SGCZ: variants seen among roughly 807,000 people sequenced by gnomAD.
SGCZ encodes zeta-sarcoglycan.
A neutral mutation model predicts 41.3 loss-of-function variants in SGCZ; 40 were observed. The observed-to-expected ratio is 0.97, with a 90% CI of 0.75 to 1.26. The LOEUF (loss-of-function observed/expected upper bound fraction) is 1.26. Among genes scored for constraint, SGCZ ranks in the 50% most tolerant of loss-of-function variants. The pLI, the probability that SGCZ is intolerant of heterozygous loss-of-function variation, is 0.00. For synonymous variants in SGCZ, 206 were observed against 137.5 expected (o/e 1.50, Z -3.49); for missense variants, 552 against 369.8 (o/e 1.49, Z -4.04).
intron 3 of SGCZ, among the ~76,000 whole-genome samples, chr8:14,320,046 T>C (rs879264830): frequency 3.0e-4 from 45 of 152,008 alleles, no homozygotes; most frequent in Non-Finnish European, 4.7e-4. Context: ...ATATATTTTA[T>C]CCTTTTATTT....
chr8:14,389,616 A>G (rs1410427253), intron 2 of SGCZ, among the ~76,000 whole-genome samples: 1 of 151,986 alleles, frequency 6.6e-6, no homozygotes, highest in Admixed American at 6.6e-5. Context: ...AAAAGCTTAG[A>G]GAATTTGTCT....
chr8:14,611,495 A>G (rs934045172), intron 1 of SGCZ, among the ~76,000 whole-genome samples: 3 of 152,178 alleles, frequency 2.0e-5, no homozygotes, highest in Non-Finnish European at 4.4e-5. Flanking sequence ...AGTTATACAA[A>G]TCAATAATCA....
intron 2 of SGCZ, among the ~76,000 whole-genome samples, chr8:14,519,473 T>C (rs1338020167): frequency 1.3e-5 from 2 of 152,110 alleles, no homozygotes; most frequent in Admixed American, 1.3e-4. Flanking sequence ...TAATATAATG[T>C]CTTATGAACA....
At chr8:14,551,598 T>TATATATA (rs1563405028) in intron 2 of SGCZ, among the ~76,000 whole-genome samples, 338 of 26,538 alleles carry the variant, frequency 0.013, 41 homozygotes, top group African/African-American at 0.037. Context: ...TAATATATAT[T>TATATATA]ATATATATTA....
chr8:14,514,785 G>C (rs1010092036), intron 2 of SGCZ, among the ~76,000 whole-genome samples: 5 of 4,602 alleles, frequency 1.1e-3, no homozygotes, highest in Non-Finnish European at 2.2e-3. Context: ...ATATGTAAAT[G>C]TGTGTGTGTG....
At chr8:14,906,564 A>C (rs1799125559) in intron 1 of SGCZ, among the ~76,000 whole-genome samples, 1 of 152,218 alleles carries the variant, frequency 6.6e-6, no homozygotes, top group Non-Finnish European at 1.5e-5. Context: ...ATTTAAACAG[A>C]TATTTGGCTT....
intron 1 of SGCZ, among the ~76,000 whole-genome samples, chr8:15,108,382 G>C (rs1806913406): frequency 1.3e-5 from 2 of 152,094 alleles, no homozygotes; most frequent in African/African-American, 4.8e-5. Flanking sequence ...TGTCCTGAGG[G>C]CTAAAGGGAA....
intron 2 of SGCZ, among the ~76,000 whole-genome samples, chr8:14,489,594 G>A (rs1209810910): frequency 1.3e-5 from 2 of 151,502 alleles, no homozygotes; most frequent in South Asian, 2.1e-4. Context: ...CCAAAACAGA[G>A]GTACTAAAAA....
chr8:14,566,928 G>C (rs1804385633), intron 1 of SGCZ, among the ~76,000 whole-genome samples: 2 of 152,190 alleles, frequency 1.3e-5, no homozygotes, highest in Admixed American at 1.3e-4. Flanking sequence ...AGAGCGGCCG[G>C]CTGGCCCCGC....
chr8:14,457,929 C>T (rs921318794), intron 2 of SGCZ, among the ~76,000 whole-genome samples: 2 of 152,254 alleles, frequency 1.3e-5, no homozygotes, highest in African/African-American at 4.8e-5. Context: ...TTCCTCTTGT[C>T]TCTTTGTCTT....
chr8:14,829,986 A>G (rs974424728), intron 1 of SGCZ, among the ~76,000 whole-genome samples: 2 of 151,764 alleles, frequency 1.3e-5, no homozygotes, highest in Non-Finnish European at 2.9e-5. Context: ...AATTTTTTCT[A>G]TTTTTTAGTA....
At chr8:14,299,718 C>G (rs1282740262) in intron 3 of SGCZ, among the ~76,000 whole-genome samples, 1 of 151,700 alleles carries the variant, frequency 6.6e-6, no homozygotes, top group African/African-American at 2.4e-5. Context: ...TAGTATTGTA[C>G]CAAATACATC....
rs181479729 is a variant in SGCZ, at chr8:14,086,234, A to C, written c.*4209T>G. ...AATTTGGCTTTGAGGATTTTATAGA[A>C]AATTTGGCTATTAAATACTTTCAAT... On this transcript the variant is annotated 3_prime_UTR_variant, in exon 8 of 8. Coordinates refer to ENST00000382080, the MANE Select transcript of SGCZ (RefSeq NM_139167.4). 3.7e-4 allele frequency among the ~76,000 whole-genome samples: 56 copies of C among 151,802 alleles called. No individual in the cohort carries two copies. The highest frequency in any genetic ancestry group is 1.3e-3 in the African/African-American group (54 of 41,516).
rs1486519133 is a variant in SGCZ at position 14,280,484 on chromosome 8, AT to A, written c.337-42806del. Among the ~76,000 whole-genome samples, 20 of 151,966 alleles carry A rather than the reference AT, an allele frequency of 1.3e-4. 1 individual carries two copies. The highest frequency in any genetic ancestry group is 1.5e-5 in the Non-Finnish European group (1 of 67,798). On this transcript the variant is annotated intron_variant, in intron 3 of 7. Coordinates refer to ENST00000382080, the MANE Select transcript of SGCZ (RefSeq NM_139167.4). ...TTTTTAAGGGACTGGGCTAAATATAATTTTATAATTAATCTTATATCCATAT... is the reference window on the plus strand; with the variant it reads ...TTTTTAAGGGACTGGGCTAAATATAATTTATAATTAATCTTATATCCATAT...
intron 2 of SGCZ, among the ~76,000 whole-genome samples, chr8:14,510,494 T>A (rs1489313764): frequency 6.6e-6 from 1 of 151,922 alleles, no homozygotes; most frequent in African/African-American, 2.4e-5. Flanking sequence ...TGTCACAGAT[T>A]TTGATAACCT....
chr8:14,353,047 A>C (rs1226002842), intron 2 of SGCZ, among the ~76,000 whole-genome samples: 6 of 152,020 alleles, frequency 3.9e-5, no homozygotes, highest in Non-Finnish European at 8.8e-5. Context: ...ACCAACCAAA[A>C]TTAGAAGAGA....
intron 1 of SGCZ, among the ~76,000 whole-genome samples, chr8:14,608,981 T>A (rs905066981): frequency 6.6e-6 from 1 of 152,222 alleles, no homozygotes; most frequent in Non-Finnish European, 1.5e-5. Context: ...GAATAATTAA[T>A]TCTACCTTTA....
chr8:14,927,617 G>A (rs1263619507), intron 1 of SGCZ, among the ~76,000 whole-genome samples: 2 of 152,186 alleles, frequency 1.3e-5, no homozygotes, highest in African/African-American at 4.8e-5. Context: ...GAAGGAGGCA[G>A]AGAGGTAGGA....
chr8:14,510,820 C>CTAAA (rs1470887301), intron 2 of SGCZ, among the ~76,000 whole-genome samples: 1 of 152,024 alleles, frequency 6.6e-6, no homozygotes, highest in Non-Finnish European at 1.5e-5. Flanking sequence ...AAATAAAAAG[C>CTAAA]TAAATAAGCC....
Sources: allele counts gnomAD v4.1 joint callset (sites outside exome capture counted in the v4.1 genomes callset), GRCh38; gene constraint gnomAD v4.1.1; transcripts MANE v1.5; gene names NCBI Gene and HGNC (gene_info 2026-07-23, HGNC 2026-07-21).